Variants in UBL3 observed in about 807,000 individuals in gnomAD.
UBL3 encodes the protein ubiquitin like 3, also known as ubiquitin-like protein 3.
In UBL3, 6 loss-of-function variants were observed where a neutral mutation model predicts 18.4. The ratio of observed to expected loss-of-function variants is 0.33; its 90% CI spans 0.18 to 0.64. The LOEUF is 0.64. UBL3 is among the 30% of genes least tolerant of loss of function. The probability of loss-of-function intolerance (pLI) is 0.76; values close to 1 mark genes in which losing one functional copy is unlikely to be tolerated. For synonymous variants in UBL3, 49 were observed against 46.6 expected (o/e 1.05, Z -0.21); for missense variants, 109 against 142.9 (o/e 0.76, Z 1.21).
chr13:29,824,924 T>C (rs753940329), intron 1 of UBL3, among the ~76,000 whole-genome samples: 3 of 152,246 alleles, frequency 2.0e-5, no homozygotes, highest in Non-Finnish European at 2.9e-5. Flanking sequence ...TTTCTACATA[T>C]GGCTAGCCAG....
In UBL3 at chr13:29,790,806, T is replaced by C. The variant is rs140534290; in HGVS notation, c.28-13543A>G. 1.4e-4 allele frequency among the ~76,000 whole-genome samples: 22 copies of C among 152,304 alleles called. No individual in the cohort carries two copies. The East Asian group carries it at 3.3e-3, about 23-fold the overall frequency. On this transcript the variant is annotated intron_variant, in intron 1 of 4. Coordinates refer to ENST00000380680, the MANE Select transcript of UBL3 (RefSeq NM_007106.4). ...GGGAAGACTATTCCTGCTTGTTTAA[T>C]CCTTTGATCCTCTCTTTCAGTTGGT...
intron 1 of UBL3, among the ~76,000 whole-genome samples, chr13:29,817,544 T>A (rs992092163): frequency 6.6e-6 from 1 of 152,078 alleles, no homozygotes; most frequent in African/African-American, 2.4e-5. Flanking sequence ...AGAGGCAAAA[T>A]AGCTGAAATG....
chr13:29,832,722 G>A (rs1036956497), intron 1 of UBL3, among the ~76,000 whole-genome samples: 3 of 152,128 alleles, frequency 2.0e-5, no homozygotes, highest in African/African-American at 4.8e-5. Context: ...CTGGCAATCC[G>A]TGATGGAAGC....
At chr13:29,776,014 C>T (rs1876978056) in intron 2 of UBL3, among the ~76,000 whole-genome samples, 1 of 151,944 alleles carries the variant, frequency 6.6e-6, no homozygotes, top group Non-Finnish European at 1.5e-5. Context: ...ATGGAAAGCA[C>T]AGACAGACAT....
rs1876673676 is a variant in UBL3 at position 29,766,144 on chromosome 13, T to C, written c.*1111A>G. 1.3e-5 allele frequency: 2 copies of C among 152,594 alleles called. No individual in the cohort carries two copies. The highest frequency in any genetic ancestry group is 2.1e-4 in the South Asian group (1 of 4,830). 9.5% of individuals were successfully genotyped at this position (152,594 alleles called of 1,614,324 possible). On this transcript the variant is annotated 3_prime_UTR_variant, in exon 5 of 5. Coordinates refer to ENST00000380680, the MANE Select transcript of UBL3 (RefSeq NM_007106.4). ...AGCTCATGCTTTAGTGCTGTGCAAA[T>C]TGTTTTTAGCATATCAATCTTTAAA...
At chr13:29,824,290 T>C (rs529832303) in intron 1 of UBL3, among the ~76,000 whole-genome samples, 24 of 152,306 alleles carry the variant, frequency 1.6e-4, no homozygotes, top group African/African-American at 5.5e-4. Context: ...CACACTGTCT[T>C]CCACAATGGT....
chr13:29,845,454 G>C (rs1879206194), intron 1 of UBL3, among the ~76,000 whole-genome samples: 1 of 152,024 alleles, frequency 6.6e-6, no homozygotes, highest in Non-Finnish European at 1.5e-5. Context: ...TGTAACTAAA[G>C]AGGAAAAAGT....
chr13:29,801,519 A>T (rs769945764), intron 1 of UBL3, among the ~76,000 whole-genome samples: 7 of 152,166 alleles, frequency 4.6e-5, no homozygotes. Flanking sequence ...CAGAGCCCCA[A>T]GCTTGGGCCA....
intron 1 of UBL3, among the ~76,000 whole-genome samples, chr13:29,785,683 G>A (rs1169521182): frequency 6.6e-6 from 1 of 152,072 alleles, no homozygotes; most frequent in Non-Finnish European, 1.5e-5. Context: ...GCTAAAATAT[G>A]GTAATTACGT....
chr13:29,839,921 C>T (rs1270446537), intron 1 of UBL3, among the ~76,000 whole-genome samples: 2 of 141,098 alleles, frequency 1.4e-5, no homozygotes, highest in Admixed American at 7.3e-5. Flanking sequence ...AGTGAGACTC[C>T]GTCTCGGGGG....
intron 1 of UBL3, among the ~76,000 whole-genome samples, chr13:29,848,280 CAAAAAAAAAAAAAA>C (rs11372209): frequency 1.2e-4 from 8 of 68,320 alleles, no homozygotes; most frequent in Non-Finnish European, 1.8e-4. Context: ...CCTGTCTCCA[CAAAAAAAAAAAAAA>C]AAAAAAAAAA....
intron 1 of UBL3, among the ~76,000 whole-genome samples, chr13:29,785,317 T>C (rs914092334): frequency 6.6e-6 from 1 of 151,960 alleles, no homozygotes; most frequent in Non-Finnish European, 1.5e-5. Context: ...TTCTGAAAAC[T>C]GCATGGTTAA....
chr13:29,832,164 C>T (rs1346977340), intron 1 of UBL3, among the ~76,000 whole-genome samples: 1 of 152,128 alleles, frequency 6.6e-6, no homozygotes, highest in African/African-American at 2.4e-5. Context: ...AAGATGAGGC[C>T]TCTCTGCCCT....
intron 1 of UBL3, among the ~76,000 whole-genome samples, chr13:29,824,248 G>T (rs1183237790): frequency 1.3e-5 from 2 of 152,148 alleles, no homozygotes; most frequent in Non-Finnish European, 2.9e-5. Flanking sequence ...GGGTCAAATG[G>T]TATTTCTAGT....
intron 1 of UBL3, among the ~76,000 whole-genome samples, chr13:29,825,520 T>A (rs1354634050): frequency 1.3e-5 from 2 of 152,236 alleles, no homozygotes; most frequent in Non-Finnish European, 2.9e-5. Context: ...TATTGGTGTA[T>A]AAGAATGCTT....
intron 2 of UBL3, among the ~76,000 whole-genome samples, chr13:29,772,430 C>T (rs1380040992): frequency 6.6e-6 from 1 of 151,968 alleles, no homozygotes; most frequent in Non-Finnish European, 1.5e-5. Context: ...TTAAAGAATA[C>T]TAAAATGTAC....
chr13:29,803,106 A>C (rs1430408336), intron 1 of UBL3, among the ~76,000 whole-genome samples: 6 of 152,216 alleles, frequency 3.9e-5, no homozygotes, highest in African/African-American at 1.4e-4. Flanking sequence ...TATATTCAGC[A>C]TTCTATAAGA....
At chr13:29,829,943 C>T (rs1272286685) in intron 1 of UBL3, among the ~76,000 whole-genome samples, 1 of 152,216 alleles carries the variant, frequency 6.6e-6, no homozygotes, top group Non-Finnish European at 1.5e-5. Flanking sequence ...TGTGACCACA[C>T]ATATACTATG....
Position 29,790,540 on chromosome 13 carries a change from T to A in UBL3, c.28-13277A>T, listed in dbSNP as rs139029086. Among the ~76,000 whole-genome samples the A allele has an allele frequency of 6.9e-3, 1,051 of 152,330 alleles. 14 individuals carry two copies. The highest frequency in any genetic ancestry group is 0.024 in the African/African-American group (995 of 41,574). Reference sequence around the variant, plus strand: ...CATTAGGTTCCTATAATTCCCAAAGTTATGTTTTCTGGAACACCAACCCCC... The same window carrying A: ...CATTAGGTTCCTATAATTCCCAAAGATATGTTTTCTGGAACACCAACCCCC... On this transcript the variant is annotated intron_variant, in intron 1 of 4. Coordinates refer to ENST00000380680, the MANE Select transcript of UBL3 (RefSeq NM_007106.4).
Sources: allele counts gnomAD v4.1 joint callset (sites outside exome capture counted in the v4.1 genomes callset), GRCh38; gene constraint gnomAD v4.1.1; transcripts MANE v1.5; gene names NCBI Gene and HGNC (gene_info 2026-07-23, HGNC 2026-07-21).